The following CLTCL1 variants were observed in gnomAD, a reference collection of about 807,000 sequenced individuals.
CLTCL1 encodes clathrin heavy chain like 1, also known as clathrin heavy chain 2.
A neutral mutation model predicts 190.0 loss-of-function variants in CLTCL1; 159 were observed. The ratio of observed to expected loss-of-function variants is 0.84; its 90% confidence interval spans 0.74 to 0.95. The LOEUF is 0.95. Ranked by LOEUF, CLTCL1 falls within the 40% of genes least tolerant of loss-of-function variation. The pLI is 0.00. For missense variants in CLTCL1, 1,878 were observed against 2,033.4 expected (o/e 0.92, Z 1.47); for synonymous variants, 752 against 769.6 (o/e 0.98, Z 0.38).
intron 11 of CLTCL1, among the ~76,000 whole-genome samples, chr22:19,227,919 T>C (rs1339206900): frequency 2.0e-5 from 3 of 152,206 alleles, no homozygotes; most frequent in Non-Finnish European, 4.4e-5. Flanking sequence ...TAAGTAATTT[T>C]TGGGCTAAGA....
chr22:19,180,922 G>A, intron 30 of CLTCL1, 116 bp from the exon 31 acceptor site: 1 of 833,904 alleles, frequency 1.2e-6, no homozygotes, highest in Non-Finnish European at 2.1e-6. Context: ...CAGTGGAGGA[G>A]GTGCACATGG....
At chr22:19,211,009 A>C (rs1474682435) in intron 19 of CLTCL1, among the ~76,000 whole-genome samples, 5 of 152,308 alleles carry the variant, frequency 3.3e-5, no homozygotes, top group African/African-American at 1.2e-4. Flanking sequence ...CTGGGATTAC[A>C]GGTGTGAGCC....
intron 29 of CLTCL1, chr22:19,184,310 T>C: frequency 2.8e-6 from 1 of 359,036 alleles, no homozygotes; most frequent in East Asian, 7.8e-5. Flanking sequence ...GAGTTGGCCA[T>C]GATCCACTGA....
chr22:19,271,716 T>C (rs17208798), intron 2 of CLTCL1, among the ~76,000 whole-genome samples: 13,195 of 152,220 alleles, frequency 0.087, 977 homozygotes, highest in East Asian at 0.42. Flanking sequence ...ATATCACACC[T>C]GGGCCAGTAA....
At chr22:19,224,129 C>T (rs563429376) in intron 13 of CLTCL1, 75 bp from the exon 14 acceptor site, 1 of 1,477,610 alleles carries the variant, frequency 6.8e-7, no homozygotes, top group East Asian at 2.3e-5. Flanking sequence ...CCCACCTTCC[C>T]TCGATGACCC....
rs782768437 is a variant in CLTCL1, at chr22:19,226,267, G to A, written c.1899C>T (p.Leu633=). 4 of 1,613,926 alleles carry A rather than the reference G, an allele frequency of 2.5e-6. No homozygotes were observed. The highest frequency in any genetic ancestry group is 1.7e-5 in the Admixed American group (1 of 60,006). The part of the protein sequence containing the change: ...LQQALEHYTD[L]YDIKRAVVHT... Reference sequence around the variant, plus strand: ...GGACCACAGCCCTCTTGATGTCATAGAGGTCGGTGTAGTGCTCCAGTGCTT... The same window carrying A: ...GGACCACAGCCCTCTTGATGTCATAAAGGTCGGTGTAGTGCTCCAGTGCTT... Residue 633 remains leucine, a synonymous_variant, in exon 12 of 33, where the codon CTC becomes CTT. Coordinates refer to ENST00000427926, the MANE Select transcript of CLTCL1 (RefSeq NM_007098.4).
intron 1 of CLTCL1, among the ~76,000 whole-genome samples, chr22:19,278,990 C>T (rs1337177571): frequency 1.3e-5 from 2 of 152,098 alleles, no homozygotes; most frequent in Admixed American, 6.5e-5. Flanking sequence ...GATCCACCTG[C>T]CTTGGCCTCC....
rs187053203 is a variant in CLTCL1, at chr22:19,259,518, A to G, written c.251-5291T>C. 1.8e-3 allele frequency among the ~76,000 whole-genome samples: 274 copies of G among 152,304 alleles called. 2 individuals carry two copies. Among genetic ancestry groups the G allele is most frequent in the African/African-American group, 6.1e-3 (254 of 41,582 alleles). On this transcript the variant is annotated intron_variant, in intron 2 of 32. Coordinates refer to ENST00000427926, the MANE Select transcript of CLTCL1 (RefSeq NM_007098.4). ...TCCTGTCTCTGGGTCACACTTTGGTAATTCTCATGATATTTCAAACTTTTT... is the reference window on the plus strand; with the variant it reads ...TCCTGTCTCTGGGTCACACTTTGGTGATTCTCATGATATTTCAAACTTTTT...
In CLTCL1 at chr22:19,229,831, C is replaced by T; in HGVS notation, c.1782+7G>A. 5 of 1,598,212 alleles carry T rather than the reference C, an allele frequency of 3.1e-6. No individual in the cohort carries two copies. The highest frequency in any genetic ancestry group is 3.4e-6 in the Non-Finnish European group (4 of 1,174,262). On this transcript the variant is annotated splice_region_variant and intron_variant, in intron 11 of 32. Transcript: ENST00000427926. ...TGCCTCTCGGTGTTAGCCTACAAGT[C>T]ACTGACCTGGGGTGCATGAACAAGG...
intron 3 of CLTCL1, among the ~76,000 whole-genome samples, chr22:19,244,080 A>G (rs782620559): frequency 3.9e-5 from 6 of 152,182 alleles, no homozygotes; most frequent in Admixed American, 3.3e-4. Flanking sequence ...TGGAATACAA[A>G]AGGGTCCCAG....
chr22:19,181,183 ACT>A (rs1395483994), intron 30 of CLTCL1: 6 of 223,300 alleles, frequency 2.7e-5, no homozygotes, highest in African/African-American at 9.0e-5. Flanking sequence ...TGCAGGGAAC[ACT>A]GTCTGCTTCT....
Position 19,219,157 on chromosome 22 carries a change from T to TTTTTTTTA in CLTCL1, c.2919+727_2919+728insTAAAAAAA, listed in dbSNP as rs1555951019. Among the ~76,000 whole-genome samples the TTTTTTTTA allele has an allele frequency of 8.4e-3, 1,249 of 148,952 alleles. 15 individuals are homozygous for TTTTTTTTA. Among genetic ancestry groups the TTTTTTTTA allele is most frequent in the African/African-American group, 0.03 (1,205 of 39,684 alleles). ...GAGAAGGTTCGTAAGGACTAAGATGTTTTATTTATTTATTTATTTATTTAT... is the reference window on the plus strand; with the variant it reads ...GAGAAGGTTCGTAAGGACTAAGATGTTTTTTTTATTTATTTATTTATTTATTTATTTAT... On this transcript the variant is annotated intron_variant, in intron 18 of 32. Transcript: ENST00000427926.
Position 19,196,256 on chromosome 22 carries a change from C to A in CLTCL1, c.4191+10G>T. On this transcript the variant is annotated intron_variant, in intron 26 of 32. Coordinates refer to ENST00000427926, the MANE Select transcript of CLTCL1 (RefSeq NM_007098.4). ...GCTGGCAGGAGCCAGCGCTCTGTAT[C>A]CCCTCTTACCTTGGTAATGATGTCC... The A allele has an allele frequency of 6.2e-7, 1 of 1,611,322 alleles. No individual in the cohort carries two copies. Among genetic ancestry groups the A allele is most frequent in the South Asian group, 1.1e-5 (1 of 91,008 alleles).
chr22:19,207,625 A>C (rs2085092424), intron 22 of CLTCL1: 1 of 421,200 alleles, frequency 2.4e-6, no homozygotes, highest in African/African-American at 2.0e-5. Context: ...GTTAGGAATC[A>C]CGCCCCATAG....
rs557232657 is a variant in CLTCL1, at chr22:19,238,275, A to G, written c.795+1000T>C. 3.3e-5 allele frequency among the ~76,000 whole-genome samples: 5 copies of G among 152,264 alleles called. No homozygotes were observed. In the East Asian group the frequency reaches 7.7e-4, roughly 24 times the overall value. On this transcript the variant is annotated intron_variant, in intron 5 of 32. Transcript: ENST00000427926. Reference sequence around the variant, plus strand: ...CAGTTAATTTTTTATATTTTAGTAGAGACGGGGTTTCACCATGTTGCCCAG... The same window carrying G: ...CAGTTAATTTTTTATATTTTAGTAGGGACGGGGTTTCACCATGTTGCCCAG...
At chr22:19,211,706 G>T (rs2085227496) in intron 19 of CLTCL1, among the ~76,000 whole-genome samples, 1 of 150,336 alleles carries the variant, frequency 6.7e-6, no homozygotes, top group African/African-American at 2.5e-5. Flanking sequence ...GGCAGAGGTT[G>T]CAGTGAGCTG....
Position 19,198,895 on chromosome 22 carries a change from G to A in CLTCL1, c.3873+839C>T, listed in dbSNP as rs2084791792. The stretch of plus-strand genomic sequence containing the variant: ...TACTCAAAGATTTGCTGACTAAATT[G>A]TTCTTTTGTCAGCCCTGTACTGCTT... On this transcript the variant is annotated intron_variant, in intron 24 of 32. Coordinates refer to ENST00000427926, the MANE Select transcript of CLTCL1 (RefSeq NM_007098.4). This position sits in a 1 kb window ranked among gnomAD's most constrained non-coding sequence, Gnocchi z 4.1. Among the ~76,000 whole-genome samples the A allele has an allele frequency of 6.6e-6, 1 of 152,156 alleles. No individual in the cohort carries two copies. Among genetic ancestry groups the A allele is most frequent in the Admixed American group, 6.6e-5 (1 of 15,264 alleles).
intron 5 of CLTCL1, among the ~76,000 whole-genome samples, chr22:19,238,034 C>T (rs1235867076): frequency 6.6e-6 from 1 of 152,018 alleles, no homozygotes; most frequent in Middle Eastern, 3.2e-3. Flanking sequence ...AGGTATAGAT[C>T]TAAATTTTTT....
At chr22:19,196,185 C>T in intron 26 of CLTCL1, 81 bp downstream of exon 26, 6 of 1,444,880 alleles carry the variant, frequency 4.2e-6, no homozygotes, top group Non-Finnish European at 5.6e-6. Flanking sequence ...ACTCATTCCA[C>T]TCCCACCTGC....
Sources: allele counts gnomAD v4.1 joint callset (sites outside exome capture counted in the v4.1 genomes callset), GRCh38; gene constraint gnomAD v4.1.1; non-coding constraint Gnocchi (gnomAD v3.1); transcripts MANE v1.5; gene names NCBI Gene and HGNC (gene_info 2026-07-23, HGNC 2026-07-21).